Variants in TSHZ3 observed in about 807,000 individuals in gnomAD.
TSHZ3 encodes teashirt homolog 3.
In TSHZ3, 10 loss-of-function variants were observed where a neutral mutation model predicts 64.5. That is an observed-to-expected ratio of 0.16 (90% CI 0.10 to 0.26). The LOEUF (loss-of-function observed/expected upper bound fraction) is 0.26. Ranked by LOEUF, TSHZ3 falls within the 10% of genes least tolerant of loss-of-function variation. The probability of loss-of-function intolerance (pLI) is 1.00; values close to 1 mark genes in which losing one functional copy is unlikely to be tolerated. For missense variants in TSHZ3, 1,242 were observed against 1,421.7 expected, an observed-to-expected ratio of 0.87 and a Z score of 2.03; for synonymous variants, 608 against 593.1, an observed-to-expected ratio of 1.03 and a Z score of -0.36.
At chr19:31,272,179 C>T (rs1166332209), downstream of TSHZ3, among the ~76,000 whole-genome samples, 1 of 152,214 alleles carries the variant, frequency 6.6e-6, no homozygotes, top group Non-Finnish European at 1.5e-5. Flanking sequence ...CTCTCTGCCA[C>T]TCACGGGTTT....
At chr19:31,299,239 G>A (rs758159122) in intron 1 of TSHZ3, among the ~76,000 whole-genome samples, 7 of 152,140 alleles carry the variant, frequency 4.6e-5, no homozygotes, top group Admixed American at 1.3e-4. Context: ...CTCTCTGACC[G>A]GAAAGGACAG....
chr19:31,323,286 C>G (rs1208251417), intron 1 of TSHZ3, among the ~76,000 whole-genome samples: 1 of 152,132 alleles, frequency 6.6e-6, no homozygotes, highest in Non-Finnish European at 1.5e-5. Context: ...ACAGAGTAGC[C>G]TATGATCATG....
Position 31,249,755 on chromosome 19 carries a change from C to T in TSHZ3, n.64-6880G>A, listed in dbSNP as rs531594644. Among the ~76,000 whole-genome samples, 4 of 152,312 alleles carry T rather than the reference C, an allele frequency of 2.6e-5. 2 individuals carry two copies. Among genetic ancestry groups the T allele is most frequent in the African/African-American group, 9.6e-5 (4 of 41,570 alleles). The stretch of plus-strand genomic sequence containing the variant: ...CCAGAGATAGGGCCAGACAGGCCTC[C>T]GCCCCTCCCTCTGGCAGGTCCTTCA... On this transcript the variant is annotated intron_variant and non_coding_transcript_variant, in intron 1 of 6. Transcript: ENST00000651361.
chr19:31,349,283 GA>G lies in TSHZ3; in HGVS notation c.-65del, dbSNP rs1466799579. On this transcript the variant is annotated 5_prime_UTR_variant, in exon 1 of 2. Coordinates refer to ENST00000240587, the MANE Select transcript of TSHZ3 (RefSeq NM_020856.4). ...CGCTGCCGGGCTGAGGACAGGGAGGGAGGGGGCGGCGGGCCCGCGGGGGGGC... is the reference window on the plus strand; with the variant it reads ...CGCTGCCGGGCTGAGGACAGGGAGGGGGGGGCGGCGGGCCCGCGGGGGGGC... 15 of 1,335,804 alleles carry G rather than the reference GA, an allele frequency of 1.1e-5. No homozygotes were observed. Among genetic ancestry groups the G allele is most frequent in the South Asian group, 1.4e-5 (1 of 73,200 alleles). The allele number at this position is 1,335,804 out of a possible 1,614,324, so 82.7% of individuals were successfully genotyped here.
intron 5 of TSHZ3, among the ~76,000 whole-genome samples, chr19:31,178,604 G>A (rs191170206): frequency 9.9e-5 from 15 of 152,266 alleles, no homozygotes; most frequent in African/African-American, 3.4e-4. Context: ...ACTTGAAACC[G>A]GGAGGCGGAG....
Position 31,277,564 on chromosome 19 carries a change from G to A in TSHZ3, c.2229C>T (p.Ala743=). 2.5e-6 allele frequency: 4 copies of A among 1,600,504 alleles called. No individual in the cohort carries two copies. Among genetic ancestry groups the A allele is most frequent in the Non-Finnish European group, 2.6e-6 (3 of 1,172,656 alleles). ...TGAAAAGCATGCTCATGGGGTCCAG[G>A]GCAGGCAGGGAGGGCTTGGCGGCCT... is the stretch of plus-strand genomic sequence containing the variant. ...LGKAAKPSLP[A]LDPMSMLFKM... is the part of the protein sequence containing the mutation. Residue 743 remains alanine, a synonymous_variant, in exon 2 of 2, where the codon GCC becomes GCT. Coordinates refer to ENST00000240587, the MANE Select transcript of TSHZ3 (RefSeq NM_020856.4). The surrounding 1 kb of genome is among the most constrained non-coding windows in gnomAD (Gnocchi z 4.5).
chr19:31,268,284 C>A (rs544767099), intron 1 of TSHZ3, among the ~76,000 whole-genome samples: 1 of 152,302 alleles, frequency 6.6e-6, no homozygotes, highest in East Asian at 1.9e-4. Context: ...AGTGTGCTCT[C>A]TTTCTCCCTG....
rs1975293609 is a variant in TSHZ3 at position 31,213,952 on chromosome 19, TTTTA to T, written n.687-8878_687-8875del. Reference sequence around the variant, plus strand: ...TGCGACAATTTAGGGGGATTTTATTTTTTATTTTATTCTTATTTCTCACTCCTTA... The same window carrying T: ...TGCGACAATTTAGGGGGATTTTATTTTTTTATTCTTATTTCTCACTCCTTA... On this transcript the variant is annotated intron_variant and non_coding_transcript_variant, in intron 4 of 6. Coordinates refer to the TSHZ3 transcript ENST00000651361. Among the ~76,000 whole-genome samples, 4 of 152,350 alleles carry T rather than the reference TTTTA, an allele frequency of 2.6e-5. 1 individual carries two copies. The South Asian group carries it at 8.3e-4, about 32-fold the overall frequency.
intron 3 of TSHZ3, among the ~76,000 whole-genome samples, chr19:31,238,516 A>C (rs1975649188): frequency 6.6e-6 from 1 of 152,164 alleles, no homozygotes; most frequent in African/African-American, 2.4e-5. Context: ...TTGGCCTCCC[A>C]AATTGCTGGG....
chr19:31,173,598 C>T (rs1036772653), intron 5 of TSHZ3, among the ~76,000 whole-genome samples: 13 of 152,188 alleles, frequency 8.5e-5, no homozygotes, highest in African/African-American at 3.1e-4. Context: ...TGTTCCCATC[C>T]CAGGGCATTT....
intron 5 of TSHZ3, among the ~76,000 whole-genome samples, chr19:31,175,798 T>G (rs1017267555): frequency 1.3e-5 from 2 of 151,726 alleles, no homozygotes; most frequent in Admixed American, 1.3e-4. Flanking sequence ...AGGCAGGGAG[T>G]GGTGAGCATT....
chr19:31,349,299 C>A lies in TSHZ3; in HGVS notation c.-80G>T. ...ACAGGGAGGGAGGGGGCGGCGGGCC[C>A]GCGGGGGGGCGAGGCGGGCCTGCTC... On this transcript the variant is annotated 5_prime_UTR_variant, in exon 1 of 2. Coordinates refer to ENST00000240587, the MANE Select transcript of TSHZ3 (RefSeq NM_020856.4). 2 of 1,393,428 alleles carry A rather than the reference C, an allele frequency of 1.4e-6. No individual in the cohort carries two copies. Among genetic ancestry groups the A allele is most frequent in the Admixed American group, 5.4e-5 (2 of 37,374 alleles). The allele number at this position is 1,393,428 out of a possible 1,614,324, so 86.3% of individuals were successfully genotyped here.
chr19:31,196,835 A>G (rs1363474627), intron 5 of TSHZ3, among the ~76,000 whole-genome samples: 1 of 151,976 alleles, frequency 6.6e-6, no homozygotes. Context: ...AACTGAAAAG[A>G]AGAAAAAATG....
chr19:31,153,286 TA>T (rs1291682775), intron 6 of TSHZ3, among the ~76,000 whole-genome samples: 1 of 152,182 alleles, frequency 6.6e-6, no homozygotes. Context: ...GGATTCCTAC[TA>T]AAAAATGTAC....
intron 1 of TSHZ3, among the ~76,000 whole-genome samples, chr19:31,259,663 G>C (rs1334439606): frequency 6.6e-6 from 1 of 151,606 alleles, no homozygotes. Context: ...AAAAAAAAAA[G>C]AGAAATAGGA....
chr19:31,348,323 G>A (rs530530564), intron 1 of TSHZ3, among the ~76,000 whole-genome samples: 1 of 152,252 alleles, frequency 6.6e-6, no homozygotes, highest in East Asian at 1.9e-4. Flanking sequence ...CCTTCTTCCA[G>A]GCAACATGCC....
intron 5 of TSHZ3, among the ~76,000 whole-genome samples, chr19:31,173,191 G>A (rs1599559848): frequency 6.6e-6 from 1 of 152,282 alleles, no homozygotes; most frequent in Middle Eastern, 3.4e-3. Flanking sequence ...AGCAGTTGTG[G>A]ATGCGAGAAT....
intron 1 of TSHZ3, among the ~76,000 whole-genome samples, chr19:31,292,039 T>C (rs1032139000): frequency 2.0e-5 from 3 of 152,168 alleles, no homozygotes; most frequent in South Asian, 4.1e-4. Context: ...GTTCAATACA[T>C]TTCCAAGCAC....
At chr19:31,317,148 C>G (rs1451582634) in intron 1 of TSHZ3, among the ~76,000 whole-genome samples, 2 of 152,128 alleles carry the variant, frequency 1.3e-5, no homozygotes, top group African/African-American at 4.8e-5. Flanking sequence ...TCAACAAAAT[C>G]CAACGGGTTT....
Sources: gnomAD v4.1 joint callset for allele counts (sites outside exome capture counted in the v4.1 genomes callset) on GRCh38, gnomAD v4.1.1 for gene constraint, Gnocchi (gnomAD v3.1) non-coding constraint, MANE v1.5 for transcripts, NCBI Gene and HGNC (gene_info 2026-07-23, HGNC 2026-07-21) for gene names.